ALK: variants seen among roughly 807,000 people sequenced by gnomAD.
ALK encodes ALK receptor tyrosine kinase, also known as ALK tyrosine kinase receptor.
ALK carries 74 observed loss-of-function variants against 163.1 expected under a neutral mutation model. The ratio of observed to expected loss-of-function variants is 0.45; its 90% CI spans 0.38 to 0.55. The LOEUF is 0.55. Among genes scored for constraint, ALK ranks in the 20% least tolerant of loss-of-function variants. The probability of loss-of-function intolerance (pLI) is 0.00; values close to 1 mark genes in which losing one functional copy is unlikely to be tolerated. For missense variants in ALK, 2,063 were observed against 2,105.3 expected (o/e 0.98, Z 0.39); for synonymous variants, 960 against 843.2 (o/e 1.14, Z -2.40).
Position 29,532,021 on chromosome 2 carries a change from A to C in ALK, c.1048T>G (p.Ser350Ala). The C allele has an allele frequency of 6.2e-7, 1 of 1,614,158 alleles. No individual in the cohort carries two copies. Among genetic ancestry groups the C allele is most frequent in the Non-Finnish European group, 8.5e-7 (1 of 1,180,010 alleles). The change falls in exon 4 of 29, where the codon TCG becomes GCG. Residue 350 changes from serine to alanine, a missense_variant. By Grantham distance (99) the Ser-to-Ala change is moderately conservative. Transcript: ENST00000389048. Reference protein sequence around the residue: ...SSSEHCTLAVSVHRHLQPSGR... With the variant: ...SSSEHCTLAVAVHRHLQPSGR... ...GAGGGCTGCAGGTGCCTGTGCACCG[A>C]GACGGCCAGTGTGCAGTGCTCACTG...
chr2:29,817,754 AAC>A (rs767530680), intron 1 of ALK, among the ~76,000 whole-genome samples: 1 of 152,136 alleles, frequency 6.6e-6, no homozygotes, highest in Non-Finnish European at 1.5e-5. Flanking sequence ...GGCAGAGCTA[AAC>A]ACACACAGAT....
At chr2:29,218,448 T>TGAGAGA (rs111941007) in intron 23 of ALK, among the ~76,000 whole-genome samples, 4 of 152,080 alleles carry the variant, frequency 2.6e-5, no homozygotes, top group African/African-American at 9.6e-5. Context: ...GTGGGGGTAG[T>TGAGAGA]GAGAGAGAGA....
At chr2:29,526,147 C>T (rs551652506) in intron 4 of ALK, among the ~76,000 whole-genome samples, 86 of 152,290 alleles carry the variant, frequency 5.6e-4, no homozygotes, top group African/African-American at 2.0e-3. Context: ...CTTAGACAGA[C>T]AGCCTGGGAG....
chr2:29,672,638 C>T (rs1256705577), intron 3 of ALK, among the ~76,000 whole-genome samples: 15 of 151,850 alleles, frequency 9.9e-5, no homozygotes, highest in Admixed American at 6.6e-4. Context: ...AATAAACATA[C>T]GTGTGCATGT....
chr2:29,472,986 G>A (rs1018746776), intron 4 of ALK, among the ~76,000 whole-genome samples: 2 of 152,232 alleles, frequency 1.3e-5, no homozygotes, highest in African/African-American at 4.8e-5. Flanking sequence ...AGAATTGTGT[G>A]TATTTGTACT....
intron 3 of ALK, among the ~76,000 whole-genome samples, chr2:29,606,083 T>C (rs1573494023): frequency 6.6e-6 from 1 of 152,204 alleles, no homozygotes; most frequent in Non-Finnish European, 1.5e-5. Flanking sequence ...TCAGATCCAA[T>C]AGGCAAATAT....
intron 3 of ALK, among the ~76,000 whole-genome samples, chr2:29,676,893 T>C (rs186320124): frequency 6.6e-6 from 1 of 152,192 alleles, no homozygotes; most frequent in East Asian, 1.9e-4. Flanking sequence ...TTTGATGATC[T>C]TGTCAGTGGA....
At chr2:29,236,005 A>G (rs1431831610) in intron 13 of ALK, among the ~76,000 whole-genome samples, 3 of 144,348 alleles carry the variant, frequency 2.1e-5, no homozygotes, top group African/African-American at 7.6e-5. Context: ...ACCATGCTTG[A>G]CTAATTTTTG....
At chr2:29,737,995 TA>T (rs1414649117) in intron 1 of ALK, among the ~76,000 whole-genome samples, 1 of 152,000 alleles carries the variant, frequency 6.6e-6, no homozygotes, top group East Asian at 1.9e-4. Flanking sequence ...CTGGTGGGCC[TA>T]ATTTGAGCCC....
chr2:29,289,981 A>G (rs1050335685), intron 9 of ALK, among the ~76,000 whole-genome samples: 1 of 152,058 alleles, frequency 6.6e-6, no homozygotes, highest in African/African-American at 2.4e-5. Context: ...CCCTAATTAG[A>G]TGGAGATTGA....
intron 1 of ALK, among the ~76,000 whole-genome samples, chr2:29,870,128 C>T (rs1441821924): frequency 6.6e-6 from 1 of 152,038 alleles, no homozygotes. Flanking sequence ...ATGAATAAAA[C>T]AAAAGAAAAA....
chr2:29,669,526 G>C (rs1024785053), intron 3 of ALK, among the ~76,000 whole-genome samples: 2 of 151,936 alleles, frequency 1.3e-5, no homozygotes, highest in African/African-American at 4.8e-5. Flanking sequence ...GCAGCATATA[G>C]CTGAATTTTA....
chr2:29,222,301 G>T (rs1470553682), intron 22 of ALK, 43 bp downstream of exon 22: 2 of 1,581,800 alleles, frequency 1.3e-6, no homozygotes, highest in South Asian at 1.1e-5. Flanking sequence ...GTTCTTTGGG[G>T]GCAGAGGGGA....
intron 3 of ALK, among the ~76,000 whole-genome samples, chr2:29,572,100 G>A (rs1307663722): frequency 1.3e-5 from 2 of 152,172 alleles, no homozygotes; most frequent in Non-Finnish European, 2.9e-5. Flanking sequence ...CCTGCAAGGT[G>A]GGAAGTCAAG....
chr2:29,497,676 C>T (rs1672065034), intron 4 of ALK, among the ~76,000 whole-genome samples: 1 of 152,194 alleles, frequency 6.6e-6, no homozygotes, highest in Non-Finnish European at 1.5e-5. Flanking sequence ...GGGCAAATCC[C>T]TTGAAGACAG....
chr2:29,238,442 C>A (rs1664437513), intron 13 of ALK, among the ~76,000 whole-genome samples: 1 of 152,142 alleles, frequency 6.6e-6, no homozygotes, highest in African/African-American at 2.4e-5. Flanking sequence ...AGTGATCCTC[C>A]CGCTTTGGCC....
intron 2 of ALK, among the ~76,000 whole-genome samples, chr2:29,700,305 G>A (rs1399907655): frequency 1.3e-5 from 2 of 152,172 alleles, no homozygotes; most frequent in African/African-American, 2.4e-5. Flanking sequence ...CAGCACTTTG[G>A]GAGGCCCGGT....
chr2:29,764,910 TG>T (rs1344689145), intron 1 of ALK, among the ~76,000 whole-genome samples: 1 of 152,132 alleles, frequency 6.6e-6, no homozygotes, highest in Non-Finnish European at 1.5e-5. Flanking sequence ...TGGAGGTGAT[TG>T]GATCAAGGGG....
At chr2:29,674,088 G>A (rs1173018010) in intron 3 of ALK, among the ~76,000 whole-genome samples, 2 of 146,996 alleles carry the variant, frequency 1.4e-5, no homozygotes, top group African/African-American at 5.0e-5. Context: ...AGACAATGGG[G>A]TTTTCTAGAT....
Sources: gnomAD v4.1 joint callset for allele counts (sites outside exome capture counted in the v4.1 genomes callset) on GRCh38, gnomAD v4.1.1 for gene constraint, MANE v1.5 for transcripts, NCBI Gene and HGNC (gene_info 2026-07-23, HGNC 2026-07-21) for gene names.